The following LRRC37A2 variants were observed in gnomAD, a reference collection of about 807,000 sequenced individuals.
LRRC37A2 encodes leucine rich repeat containing 37 member A2, also known as leucine-rich repeat-containing protein 37A2.
Under a neutral mutation model 68.8 loss-of-function variants are expected in LRRC37A2, and 9 were observed. The ratio of observed to expected loss-of-function variants is 0.13; its 90% CI spans 0.08 to 0.23. The LOEUF is 0.23. LRRC37A2 is among the 10% of genes least tolerant of loss of function. LRRC37A2 has a pLI of 1.00. For missense variants in LRRC37A2, 168 were observed against 950.4 expected (o/e 0.18, Z 10.82); for synonymous variants, 63 against 367.6 (o/e 0.17, Z 9.48).
At chr17:46,725,835 A>C in the LRRC37A2 span, among the ~76,000 whole-genome samples, 2 of 152,178 alleles carry the variant, frequency 1.3e-5, no homozygotes, top group African/African-American at 4.8e-5. Context: ...AGTCTCTGGA[A>C]TAGTACCTTC....
the LRRC37A2 span, among the ~76,000 whole-genome samples, chr17:46,853,832 G>C: frequency 6.6e-6 from 1 of 152,156 alleles, no homozygotes; most frequent in Non-Finnish European, 1.5e-5. Flanking sequence ...GTTAGAGATG[G>C]GGCAAGAGTC....
the LRRC37A2 span, among the ~76,000 whole-genome samples, chr17:46,737,584 TG>T: frequency 1.5e-3 from 227 of 151,808 alleles, no homozygotes; most frequent in African/African-American, 5.3e-3. Context: ...TGTGTGTGTG[TG>T]TGTGTGTGTG....
the LRRC37A2 span, among the ~76,000 whole-genome samples, chr17:46,463,262 CAT>C: frequency 3.9e-5 from 2 of 51,312 alleles, no homozygotes; most frequent in African/African-American, 1.1e-4. Flanking sequence ...AACAAGGTCT[CAT>C]ATACATTGCT....
At chr17:46,707,087 G>A in the LRRC37A2 span, among the ~76,000 whole-genome samples, 1 of 152,134 alleles carries the variant, frequency 6.6e-6, no homozygotes, top group African/African-American at 2.4e-5. Flanking sequence ...CTGACCTCAG[G>A]TGATCTGCCT....
At chr17:46,755,166 A>G in the LRRC37A2 span, 15 of 642,652 alleles carry the variant, frequency 2.3e-5, no homozygotes, top group African/African-American at 2.4e-4. Flanking sequence ...GTTTTGTGTG[A>G]GAATGCTGGT....
chr17:46,697,717 C>CG, the LRRC37A2 span, among the ~76,000 whole-genome samples: 1 of 149,874 alleles, frequency 6.7e-6, no homozygotes, highest in Non-Finnish European at 1.5e-5. Flanking sequence ...TGTTTTGAGA[C>CG]GGAGTCTCAC....
At chr17:47,018,841 G>A in the LRRC37A2 span, 1 of 1,520,304 alleles carries the variant, frequency 6.6e-7, no homozygotes, top group Non-Finnish European at 9.1e-7. Flanking sequence ...TTGGATCTGG[G>A]GTTTACCATC....
the LRRC37A2 span, among the ~76,000 whole-genome samples, chr17:46,404,794 C>A: frequency 2.2e-5 from 2 of 91,714 alleles, no homozygotes; most frequent in African/African-American, 3.4e-5. Flanking sequence ...AGCGTGAACC[C>A]GGGAGGCGGA....
At chr17:46,924,154 C>T in the LRRC37A2 span, 4 of 307,050 alleles carry the variant, frequency 1.3e-5, no homozygotes, top group African/African-American at 8.5e-5. Flanking sequence ...CTAGTAACCT[C>T]TGTTTTACTT....
At chr17:46,940,651 G>T in the LRRC37A2 span, 2 of 1,613,570 alleles carry the variant, frequency 1.2e-6, no homozygotes, top group Non-Finnish European at 1.7e-6. Flanking sequence ...AGAAGTCCCC[G>T]CACCCATCAT....
chr17:46,696,528 A>G, the LRRC37A2 span, among the ~76,000 whole-genome samples: 1 of 116,172 alleles, frequency 8.6e-6, no homozygotes, highest in Non-Finnish European at 1.6e-5. Flanking sequence ...GCAGAGACAC[A>G]GAATAGCATA....
the LRRC37A2 span, among the ~76,000 whole-genome samples, chr17:46,782,067 G>A: frequency 1.3e-5 from 2 of 152,242 alleles, no homozygotes; most frequent in African/African-American, 4.8e-5. Context: ...GGACCCAGGG[G>A]CTGCGGCCCA....
At chr17:47,028,965 G>A in the LRRC37A2 span, among the ~76,000 whole-genome samples, 1 of 151,714 alleles carries the variant, frequency 6.6e-6, no homozygotes, top group African/African-American at 2.4e-5. Flanking sequence ...GATCACTGGA[G>A]GTCAGGAGTT....
chr17:46,841,800 G>A, the LRRC37A2 span, among the ~76,000 whole-genome samples: 1 of 152,260 alleles, frequency 6.6e-6, no homozygotes, highest in African/African-American at 2.4e-5. Context: ...GAGAGACCTT[G>A]AGCAACCACG....
chr17:47,024,735 C>T, the LRRC37A2 span: 1 of 851,898 alleles, frequency 1.2e-6, no homozygotes, highest in Non-Finnish European at 2.1e-6. Context: ...TGAAGGCCTG[C>T]TATCCCTCCA....
chr17:46,757,704 T>TA, the LRRC37A2 span, among the ~76,000 whole-genome samples: 22,370 of 145,392 alleles, frequency 0.15, 3,234 homozygotes, highest in East Asian at 0.6. Context: ...TTTATCTTAC[T>TA]AAAAAAAAAA....
the LRRC37A2 span, among the ~76,000 whole-genome samples, chr17:46,803,048 A>G: frequency 6.6e-6 from 1 of 152,250 alleles, no homozygotes; most frequent in Middle Eastern, 3.4e-3. Flanking sequence ...AACCTATGGG[A>G]TCAGATGCTA....
the LRRC37A2 span, chr17:46,939,735 T>C: frequency 3.0e-6 from 3 of 987,260 alleles, no homozygotes; most frequent in Non-Finnish European, 3.6e-6. Flanking sequence ...CTGTAGTGTG[T>C]ATGTCCTTGT....
At chr17:46,870,904 CTTTTTTTTTTTTT>C in the LRRC37A2 span, among the ~76,000 whole-genome samples, 1 of 78,396 alleles carries the variant, frequency 1.3e-5, no homozygotes, top group African/African-American at 5.0e-5. Flanking sequence ...TCCACCTTTG[CTTTTTTTTTTTTT>C]TTTTTTTTTT....
Sources: gnomAD v4.1 joint callset for allele counts (sites outside exome capture counted in the v4.1 genomes callset) on GRCh38, gnomAD v4.1.1 for gene constraint, MANE v1.5 for transcripts, NCBI Gene and HGNC (gene_info 2026-07-23, HGNC 2026-07-21) for gene names.